OR2T6: variants seen among roughly 807,000 people sequenced by gnomAD.
OR2T6 encodes the protein olfactory receptor family 2 subfamily T member 6.
For missense variants in OR2T6, 424 were observed against 391.6 expected (o/e 1.08, Z -0.70); for synonymous variants, 174 against 148.0 (o/e 1.18, Z -1.27).
At position 248,388,406 on chromosome 1, in the gene OR2T6, C is replaced by T. The variant is rs757263478; in HGVS notation, c.798C>T (p.His266=). 6.2e-7 allele frequency: 1 copy of T among 1,613,836 alleles called. No individual in the cohort carries two copies. Among genetic ancestry groups the T allele is most frequent in the Non-Finnish European group, 8.5e-7 (1 of 1,179,806 alleles). The change falls in exon 3 of 3, where the codon CAC becomes CAT. Residue 266 remains histidine (H), a synonymous_variant. Transcript: ENST00000641644. The part of the protein sequence containing the change: ...LYTYTLPQSY[H]TPIKDKVFSA... ...CGTATACGCTTCCCCAATCTTACCA[C>T]ACCCCAATCAAAGATAAGGTCTTCT...
chr1:248,375,873 CT>C lies in OR2T6; in HGVS notation c.-336del. On this transcript the variant is annotated 5_prime_UTR_variant, in exon 1 of 3. It removes the in-frame stop codon of an upstream open reading frame in the 5' UTR. Transcript: ENST00000641644. ...CTCTTTTTTTTTTTGAAGCTTTTGC[CT>C]TTTAACCTGGATCTCCTCTCATCTT... 6.6e-6 allele frequency: 1 copy of C among 151,478 alleles called. No homozygotes were observed. The highest frequency in any genetic ancestry group is 1.5e-5 in the Non-Finnish European group (1 of 67,862). The allele number at this position is 151,478 out of a possible 1,614,324, so 9.4% of individuals were successfully genotyped here. A position where few individuals can be genotyped will look rare whatever the true frequency, so the allele number is the denominator to read the frequency against.
Position 248,388,059 on chromosome 1 carries a change from G to C in OR2T6, c.451G>C (p.Gly151Arg). 6.2e-7 allele frequency: 1 copy of C among 1,613,966 alleles called. No homozygotes were observed. The highest frequency in any genetic ancestry group is 2.2e-5 in the East Asian group (1 of 44,844). ...GATGATCCTGGCCAGCTCTTGGTTC[G>C]GTGGGGCTTTGGACAGTTTTCTCCT... ...CWMILASSWF[G>R]GALDSFLLTP... Residue 151 changes from glycine to arginine, a missense_variant, in exon 3 of 3, where the codon GGT (glycine) becomes CGT (arginine). By Grantham distance (125) the Gly-to-Arg change is moderately radical. Transcript: ENST00000641644.
rs1228944852 is a variant in OR2T6 at position 248,390,554 on chromosome 1, A to C, written c.*2019A>C. On this transcript the variant is annotated 3_prime_UTR_variant, in exon 3 of 3. Transcript: ENST00000641644. ...GCATTGGGCTGAGCACTTAATCAAG[A>C]AAATAGACCAGGTCTTGCCTAACAG... 1 of 152,238 alleles carries C rather than the reference A, an allele frequency of 6.6e-6. No homozygotes were observed. The highest frequency in any genetic ancestry group is 1.5e-5 in the Non-Finnish European group (1 of 68,038). The allele number at this position is 152,238 out of a possible 1,614,324, so 9.4% of individuals were successfully genotyped here.
At chr1:248,381,533 C>T (rs77474950) in intron 1 of OR2T6, among the ~76,000 whole-genome samples, 1 of 151,918 alleles carries the variant, frequency 6.6e-6, no homozygotes, top group Non-Finnish European at 1.5e-5. Flanking sequence ...ATTTTACATT[C>T]TATTTAAATA....
At chr1:248,379,725 G>A (rs6674078) in intron 1 of OR2T6, among the ~76,000 whole-genome samples, 116,697 of 151,942 alleles carry the variant, frequency 0.77, 45,532 homozygotes, top group African/African-American at 0.91. Context: ...ATTTTTTTGT[G>A]TACAAAGATT....
intron 2 of OR2T6, among the ~76,000 whole-genome samples, chr1:248,385,331 C>T (rs187983642): frequency 6.6e-5 from 10 of 152,194 alleles, no homozygotes; most frequent in African/African-American, 2.2e-4. Context: ...TCTGTGGTTT[C>T]GTGAGCATGT....
rs776986135 is a variant in OR2T6, at chr1:248,388,441, A to G, written c.833A>G (p.Tyr278Cys). Residue 278 changes from tyrosine (Y) to cysteine (C), a missense_variant, in exon 3 of 3, where the codon TAT becomes TGT. By Grantham distance (194) the Tyr-to-Cys change is radical. Coordinates refer to ENST00000641644, the MANE Select transcript of OR2T6 (RefSeq NM_001005471.2). ...AAAGATAAGGTCTTCTCTGCCTTTT[A>G]TACCATCCTCACACCCTTATTAAAC... ...PIKDKVFSAFYTILTPLLNPL... is the reference protein window; with the variant it reads ...PIKDKVFSAFCTILTPLLNPL... The G allele has an allele frequency of 6.2e-7, 1 of 1,613,370 alleles. No individual in the cohort carries two copies. The highest frequency in any genetic ancestry group is 1.3e-5 in the African/African-American group (1 of 74,874).
chr1:248,382,536 CT>C (rs1553310854), intron 1 of OR2T6, among the ~76,000 whole-genome samples: 858 of 60,476 alleles, frequency 0.014, 2 homozygotes, highest in African/African-American at 0.043. Flanking sequence ...TTCTTTCTTT[CT>C]TTTTTTTTTT....
intron 1 of OR2T6, among the ~76,000 whole-genome samples, chr1:248,380,861 C>A (rs1408670957): frequency 6.6e-6 from 1 of 150,766 alleles, no homozygotes; most frequent in Non-Finnish European, 1.5e-5. Context: ...ATTTAAAATC[C>A]AAATTACAGA....
chr1:248,384,936 C>T (rs1194417806), intron 2 of OR2T6, 72 bp downstream of exon 2: 1 of 152,156 alleles, frequency 6.6e-6, no homozygotes, highest in African/African-American at 2.4e-5. Flanking sequence ...GGAAAAGTTT[C>T]GATTTCTTGT....
intron 1 of OR2T6, among the ~76,000 whole-genome samples, chr1:248,379,412 A>T (rs1405218496): frequency 1.3e-5 from 2 of 152,124 alleles, no homozygotes; most frequent in Non-Finnish European, 2.9e-5. Context: ...AGGTGCCAGG[A>T]ATTGACAGAG....
intron 2 of OR2T6, 44 bp downstream of exon 2, chr1:248,384,908 G>A (rs1411356100): frequency 1.3e-5 from 2 of 152,192 alleles, no homozygotes; most frequent in Admixed American, 1.3e-4. Flanking sequence ...TGTTGAAAGA[G>A]AAGGAAAAAC....
rs1230617005 is a variant in OR2T6 at position 248,390,155 on chromosome 1, T to A, written c.*1620T>A. On this transcript the variant is annotated 3_prime_UTR_variant, in exon 3 of 3. Transcript: ENST00000641644. ...TTTAGTAGACAACACATCTTATCCT[T>A]GTTGGAAAAGTGCTCTATGAAATAT... The A allele has an allele frequency of 6.6e-6, 1 of 152,244 alleles. No homozygotes were observed. Among genetic ancestry groups the A allele is most frequent in the Non-Finnish European group, 1.5e-5 (1 of 68,042 alleles). The allele number at this position is 152,244 out of a possible 1,614,324, so 9.4% of individuals were successfully genotyped here.
chr1:248,387,953 G>T lies in OR2T6; in HGVS notation c.345G>T (p.Leu115=), dbSNP rs1187083168. 3.7e-6 allele frequency: 6 copies of T among 1,607,454 alleles called. No homozygotes were observed. Among genetic ancestry groups the T allele is most frequent in the Non-Finnish European group, 5.1e-6 (6 of 1,176,774 alleles). ...TTATGGGGGCTGAATTCTTCCTGCT[G>T]GGGCTCATGGCCTATGACCGCTACG... ...MGFMGAEFFL[L]GLMAYDRYVA... is the part of the protein sequence containing the mutation. The change falls in exon 3 of 3, where the codon CTG becomes CTT. Residue 115 remains leucine, a synonymous_variant. Coordinates refer to ENST00000641644, the MANE Select transcript of OR2T6 (RefSeq NM_001005471.2).
chr1:248,379,280 A>T (rs1407307853), intron 1 of OR2T6, among the ~76,000 whole-genome samples: 1 of 152,180 alleles, frequency 6.6e-6, no homozygotes, highest in Non-Finnish European at 1.5e-5. Context: ...TGTTATTAAA[A>T]CCATAGGGGA....
At position 248,387,473 on chromosome 1, in the gene OR2T6, C is replaced by CA. The variant is rs752532726; in HGVS notation, c.-4-125dup. 330 of 490,848 alleles carry CA rather than the reference C, an allele frequency of 6.7e-4. 1 individual carries two copies. The highest frequency in any genetic ancestry group is 9.8e-4 in the Non-Finnish European group (286 of 291,392). The allele number at this position is 490,848 out of a possible 1,614,324, so 30.4% of individuals were successfully genotyped here. A position where few individuals can be genotyped will look rare whatever the true frequency, so the allele number is the denominator to read the frequency against. On this transcript the variant is annotated intron_variant, in intron 2 of 2. Coordinates refer to ENST00000641644, the MANE Select transcript of OR2T6 (RefSeq NM_001005471.2). ...AAAGGAAGCTACAAATCTACCACAC[C>CA]AAAAAAAGTTTTATATTAGCTACAT...
intron 2 of OR2T6, among the ~76,000 whole-genome samples, chr1:248,385,895 A>G (rs1363069721): frequency 1.3e-5 from 2 of 152,264 alleles, no homozygotes; most frequent in African/African-American, 4.8e-5. Context: ...TGCATATGTT[A>G]CATGACGTTT....
chr1:248,382,915 T>G (rs998555355), intron 1 of OR2T6, among the ~76,000 whole-genome samples: 1 of 152,254 alleles, frequency 6.6e-6, no homozygotes, highest in Admixed American at 6.5e-5. Flanking sequence ...CAAAATTTTA[T>G]GTCTTCAGCG....
chr1:248,387,164 A>G (rs1320906659), intron 2 of OR2T6, among the ~76,000 whole-genome samples: 1 of 152,218 alleles, frequency 6.6e-6, no homozygotes, highest in Non-Finnish European at 1.5e-5. Flanking sequence ...GATGAGACCA[A>G]TAGGTTTTAA....
Sources: allele counts gnomAD v4.1 joint callset (sites outside exome capture counted in the v4.1 genomes callset), GRCh38; gene constraint gnomAD v4.1.1; transcripts MANE v1.5; gene names NCBI Gene and HGNC (gene_info 2026-07-23, HGNC 2026-07-21).